Variants in COPRS observed in about 807,000 individuals in gnomAD.
COPRS encodes the protein cooperator of PRMT5.
COPRS carries 11 observed loss-of-function variants against 19.9 expected under a neutral mutation model. That is an observed-to-expected ratio of 0.55 (90% CI 0.35 to 0.92). COPRS has a LOEUF of 0.92. COPRS is among the 40% of genes least tolerant of loss of function. COPRS has a pLI of 0.01. For missense variants in COPRS, 225 were observed against 229.9 expected (o/e 0.98, Z 0.14); for synonymous variants, 81 against 82.7 (o/e 0.98, Z 0.11).
At chr17:31,854,204 C>T (rs984814362) in intron 2 of COPRS, among the ~76,000 whole-genome samples, 2 of 151,636 alleles carry the variant, frequency 1.3e-5, no homozygotes, top group Non-Finnish European at 2.9e-5. Flanking sequence ...CCTGTCTCTA[C>T]AAAAAATTCA....
intron 1 of COPRS, among the ~76,000 whole-genome samples, chr17:31,857,356 C>G (rs1909393123): frequency 6.6e-6 from 1 of 152,204 alleles, no homozygotes; most frequent in South Asian, 2.1e-4. Flanking sequence ...AGGTTGGTAG[C>G]TGTTCCCTGC....
At chr17:31,855,685 CA>C (rs1370343369) in intron 2 of COPRS, among the ~76,000 whole-genome samples, 209 of 115,352 alleles carry the variant, frequency 1.8e-3, no homozygotes, top group African/African-American at 2.5e-3. Context: ...GACTCCATCT[CA>C]AAAAAAAAAA....
intron 1 of COPRS, among the ~76,000 whole-genome samples, chr17:31,857,809 C>T (rs1206573955): frequency 6.6e-6 from 1 of 152,194 alleles, no homozygotes; most frequent in Non-Finnish European, 1.5e-5. Flanking sequence ...TTTATGAAAA[C>T]ACCTGGCATG....
chr17:31,852,455 T>G (rs1176477679), intron 3 of COPRS, 147 bp from the exon 4 acceptor site: 1 of 652,476 alleles, frequency 1.5e-6, no homozygotes, highest in Non-Finnish European at 2.6e-6. Context: ...TCCTGAAGAA[T>G]TGTAAATGCG....
chr17:31,858,342 G>T (rs994839046), intron 1 of COPRS: 3 of 984,354 alleles, frequency 3.0e-6, no homozygotes, highest in Non-Finnish European at 3.6e-6. Context: ...AATTTTCTTT[G>T]TAAGTGTCGC....
At chr17:31,858,677 C>A in intron 1 of COPRS, 2 of 1,396,398 alleles carry the variant, frequency 1.4e-6, no homozygotes, top group Non-Finnish European at 2.0e-6. Flanking sequence ...ACATCTGGGG[C>A]TCAGGGTTAG....
rs1218143239 is a variant in COPRS, at chr17:31,852,316, CA to C, written c.386-9del. The C allele has an allele frequency of 1.3e-6, 2 of 1,596,090 alleles. No homozygotes were observed. The highest frequency in any genetic ancestry group is 1.3e-5 in the African/African-American group (1 of 74,172). ...CCTGGATGTCGTCAGCATCTGCAGGCAGTTTTAAAAGACAGATTAAGGGAAG... is the reference window on the plus strand; with the variant it reads ...CCTGGATGTCGTCAGCATCTGCAGGCGTTTTAAAAGACAGATTAAGGGAAG... On this transcript the variant is annotated splice_polypyrimidine_tract_variant and intron_variant, in intron 3 of 3. Transcript: ENST00000302362.
chr17:31,856,506 C>T (rs555920520), intron 2 of COPRS: 5 of 400,970 alleles, frequency 1.2e-5, no homozygotes, highest in South Asian at 8.6e-5. Context: ...TCCATTGGGG[C>T]GGGGGGGTCT....
intron 1 of COPRS, 144 bp from the exon 2 acceptor site, chr17:31,857,009 G>T (rs1176336815): frequency 2.7e-5 from 18 of 678,118 alleles, no homozygotes; most frequent in Non-Finnish European, 4.4e-5. Flanking sequence ...TTTCTACTTT[G>T]CCCTGTTAAA....
chr17:31,852,904 T>C lies in COPRS; in HGVS notation c.293A>G (p.Glu98Gly). The C allele has an allele frequency of 1.2e-6, 2 of 1,614,140 alleles. No individual in the cohort carries two copies. Among genetic ancestry groups the C allele is most frequent in the East Asian group, 2.2e-5 (1 of 44,884 alleles). The change falls in exon 3 of 4, where the codon GAA becomes GGA. Residue 98 changes from glutamate to glycine, a missense_variant. Physicochemically the swap from Glu to Gly is moderately conservative, Grantham distance 98. This residue lies in a region of COPRS where 170 missense variants were observed against 171.4 expected (regional missense o/e 0.99). Transcript: ENST00000302362. ...TTCCTTGGGTGGACAGTTTGTCCCT[T>C]CTGACAGCTCCCAGGTATTCAGTTC... ...DGELNTWELS[E>G]GTNCPPKEQP...
chr17:31,856,904 C>CT (rs749842375), intron 1 of COPRS, 39 bp from the exon 2 acceptor site: 24 of 1,265,658 alleles, frequency 1.9e-5, no homozygotes, highest in Non-Finnish European at 2.7e-5. Flanking sequence ...ACTTGGGTAT[C>CT]TGGGGTATGC....
At chr17:31,854,324 C>T (rs898173622) in intron 2 of COPRS, among the ~76,000 whole-genome samples, 5 of 117,786 alleles carry the variant, frequency 4.2e-5, no homozygotes, top group East Asian at 2.8e-4. Flanking sequence ...GAGCCAAGAT[C>T]GTGCCATTGC....
chr17:31,854,325 G>A (rs1232005690), intron 2 of COPRS, among the ~76,000 whole-genome samples: 2 of 125,378 alleles, frequency 1.6e-5, no homozygotes, highest in Non-Finnish European at 3.1e-5. Flanking sequence ...AGCCAAGATC[G>A]TGCCATTGCA....
At chr17:31,858,504 G>T in intron 1 of COPRS, 1 of 624,418 alleles carries the variant, frequency 1.6e-6, no homozygotes, top group Non-Finnish European at 2.0e-6. Flanking sequence ...GCACCTAGCC[G>T]GTACAGACTG....
Position 31,852,793 on chromosome 17 carries a change from C to T in COPRS, c.385+19G>A, listed in dbSNP as rs771213810. ...TCTGAGAAGGCCTAGTTCAGGACCC[C>T]CAGAGACTCCACACCTACCATATGG... On this transcript the variant is annotated intron_variant, in intron 3 of 3. Transcript: ENST00000302362. 1 of 1,589,480 alleles carries T rather than the reference C, an allele frequency of 6.3e-7. No individual in the cohort carries two copies. Among genetic ancestry groups the T allele is most frequent in the African/African-American group, 1.3e-5 (1 of 74,514 alleles).
Position 31,853,024 on chromosome 17 carries a change from C to T in COPRS, c.173G>A (p.Gly58Glu), listed in dbSNP as rs765926464. The T allele has an allele frequency of 5.0e-6, 8 of 1,612,218 alleles. No homozygotes were observed. The highest frequency in any genetic ancestry group is 6.8e-6 in the Non-Finnish European group (8 of 1,178,406). Residue 58 changes from glycine to glutamate, a missense_variant, in exon 3 of 4, where the codon GGA becomes GAA. By Grantham distance (98) the Gly-to-Glu change is moderately conservative. Around this residue, in one of 3 missense-constraint regions of COPRS, gnomAD observed 170 missense variants for 171.4 expected, o/e 0.99. Transcript: ENST00000302362. ...ACTGTCATTAGGAATGCTCTGTGTT[C>T]CACGGGCTAAATTGACAAAGAGAAG... is the stretch of plus-strand genomic sequence containing the variant. ...TEKAMDRLAR[G>E]TQSIPNDSPA... is the part of the protein sequence containing the mutation.
intron 2 of COPRS, among the ~76,000 whole-genome samples, chr17:31,855,798 C>G (rs2142275912): frequency 6.6e-6 from 1 of 152,112 alleles, no homozygotes; most frequent in South Asian, 2.1e-4. Context: ...GAGTTCGAGA[C>G]CAGCCTGGCT....
At chr17:31,855,112 A>T (rs1909293116) in intron 2 of COPRS, among the ~76,000 whole-genome samples, 1 of 152,164 alleles carries the variant, frequency 6.6e-6, no homozygotes, top group South Asian at 2.1e-4. Context: ...ACGGTGGCTC[A>T]TGCCTGTAAT....
chr17:31,856,745 T>C (rs1354883179), intron 2 of COPRS, 54 bp downstream of exon 2: 23 of 1,063,712 alleles, frequency 2.2e-5, no homozygotes, highest in Non-Finnish European at 3.2e-5. Flanking sequence ...AGAGGGACTA[T>C]TCCTCTCCTC....
Sources: allele counts gnomAD v4.1 joint callset (sites outside exome capture counted in the v4.1 genomes callset), GRCh38; gene constraint gnomAD v4.1.1; regional missense constraint gnomAD v4.1.1; transcripts MANE v1.5; gene names NCBI Gene and HGNC (gene_info 2026-07-23, HGNC 2026-07-21).